The following BNC2 variants were observed in gnomAD, a reference collection of about 807,000 sequenced individuals.
BNC2 encodes the protein zinc finger protein basonuclin-2.
Under a neutral mutation model 76.3 loss-of-function variants are expected in BNC2, and 20 were observed. That is an observed-to-expected ratio of 0.26 (90% CI 0.18 to 0.38). BNC2 has a LOEUF of 0.38. BNC2 is among the 10% of genes least tolerant of loss of function. The pLI, the probability that BNC2 is intolerant of heterozygous loss-of-function variation, is 1.00. For synonymous variants in BNC2, 582 were observed against 514.8 expected (o/e 1.13, Z -1.77); for missense variants, 1,382 against 1,399.8 (o/e 0.99, Z 0.20).
intron 5 of BNC2, among the ~76,000 whole-genome samples, chr9:16,503,515 T>C (rs1822564208): frequency 6.6e-6 from 1 of 152,154 alleles, no homozygotes; most frequent in African/African-American, 2.4e-5. Flanking sequence ...AGGACATTCA[T>C]GTTTCAGTCA....
At chr9:16,654,830 A>T (rs549577471) in intron 3 of BNC2, among the ~76,000 whole-genome samples, 1 of 152,316 alleles carries the variant, frequency 6.6e-6, no homozygotes, top group East Asian at 1.9e-4. Context: ...CAGCAATTTC[A>T]GTCACATCAG....
chr9:16,827,358 C>G (rs1344143418), intron 1 of BNC2, among the ~76,000 whole-genome samples: 1 of 152,152 alleles, frequency 6.6e-6, no homozygotes, highest in Non-Finnish European at 1.5e-5. Flanking sequence ...TTCCTGAGAG[C>G]AGGTACTCCA....
At chr9:16,787,540 A>C (rs1355710152) in intron 1 of BNC2, among the ~76,000 whole-genome samples, 1 of 152,124 alleles carries the variant, frequency 6.6e-6, no homozygotes, top group Non-Finnish European at 1.5e-5. Flanking sequence ...GACATGCTTT[A>C]CATCATGGAG....
intron 1 of BNC2, among the ~76,000 whole-genome samples, chr9:16,744,088 T>C (rs1450172209): frequency 6.6e-6 from 1 of 152,066 alleles, no homozygotes; most frequent in Non-Finnish European, 1.5e-5. Context: ...TACCTCAGCC[T>C]CCCGAGTAGC....
chr9:16,737,635 T>TA (rs1409528881), intron 2 of BNC2, among the ~76,000 whole-genome samples: 41 of 151,962 alleles, frequency 2.7e-4, no homozygotes, highest in Non-Finnish European at 1.3e-4. Flanking sequence ...CTGGCCTTGA[T>TA]AGAGACTATT....
chr9:16,737,955 G>GT (rs1225785155), intron 2 of BNC2, among the ~76,000 whole-genome samples: 1 of 151,954 alleles, frequency 6.6e-6, no homozygotes, highest in Non-Finnish European at 1.5e-5. Flanking sequence ...GCACTTTTCT[G>GT]TAAGTATGTT....
intron 3 of BNC2, among the ~76,000 whole-genome samples, chr9:16,663,301 T>G (rs1822168828): frequency 6.6e-6 from 1 of 151,850 alleles, no homozygotes; most frequent in African/African-American, 2.4e-5. Flanking sequence ...CCTGGCTAAT[T>G]TTTGTATTTT....
At position 16,852,060 on chromosome 9, in the gene BNC2, C is replaced by T. The variant is rs112828586; in HGVS notation, c.3+18586G>A. Among the ~76,000 whole-genome samples, 319 of 152,280 alleles carry T rather than the reference C, an allele frequency of 2.1e-3. 1 individual carries two copies. The highest frequency in any genetic ancestry group is 6.7e-3 in the African/African-American group (278 of 41,558). ...TGGGAACAGATTTTACACTCTCACCCGCAGTCACACCGCCTTATTATACAA... is the reference window on the plus strand; with the variant it reads ...TGGGAACAGATTTTACACTCTCACCTGCAGTCACACCGCCTTATTATACAA... On this transcript the variant is annotated intron_variant, in intron 1 of 6. Coordinates refer to ENST00000380672, the MANE Select transcript of BNC2 (RefSeq NM_017637.6).
chr9:16,435,438 A>G lies in BNC2; in HGVS notation c.2639+117T>C, dbSNP rs1820987279. 3.2e-6 allele frequency: 4 copies of G among 1,255,438 alleles called. No individual in the cohort carries two copies. In the Admixed American group the frequency reaches 6.8e-5, roughly 21 times the overall value. The allele number at this position is 1,255,438 out of a possible 1,614,324, so 77.8% of individuals were successfully genotyped here. ...TAGTTATCACATGATCACTGTGGAC[A>G]ATCTTTACAGTGCACCAAAAACATC... On this transcript the variant is annotated intron_variant, in intron 6 of 6. Transcript: ENST00000380672.
chr9:16,435,004 T>C (rs1036689466), intron 6 of BNC2: 1 of 471,352 alleles, frequency 2.1e-6, no homozygotes, highest in Non-Finnish European at 4.4e-6. Context: ...TAAATACTCA[T>C]GTAAGGAATG....
chr9:16,667,856 T>C (rs1317841902), intron 3 of BNC2, among the ~76,000 whole-genome samples: 2 of 152,186 alleles, frequency 1.3e-5, no homozygotes, highest in Admixed American at 6.5e-5. Flanking sequence ...ATCTTTTAGG[T>C]GGGCTTACCT....
At chr9:16,459,526 T>C (rs1401413312) in intron 5 of BNC2, among the ~76,000 whole-genome samples, 2 of 152,132 alleles carry the variant, frequency 1.3e-5, no homozygotes, top group Non-Finnish European at 2.9e-5. Context: ...AACACACCTA[T>C]TTGTAAAAGT....
At chr9:16,766,403 A>G (rs1166509633) in intron 1 of BNC2, among the ~76,000 whole-genome samples, 9 of 152,124 alleles carry the variant, frequency 5.9e-5, no homozygotes. Context: ...ACTGATTTTC[A>G]GGATGCTTAA....
intron 1 of BNC2, among the ~76,000 whole-genome samples, chr9:16,845,413 T>C (rs1056339172): frequency 6.6e-6 from 1 of 152,218 alleles, no homozygotes; most frequent in South Asian, 2.1e-4. Context: ...GAAACCACGG[T>C]AGTTGGGTTT....
intron 5 of BNC2, among the ~76,000 whole-genome samples, chr9:16,538,082 C>T (rs901204492): frequency 1.4e-4 from 21 of 151,990 alleles, no homozygotes; most frequent in Non-Finnish European, 2.6e-4. Flanking sequence ...AAAATATGAA[C>T]CTTAGCAATC....
At chr9:16,631,418 AT>A (rs1821156554) in intron 3 of BNC2, among the ~76,000 whole-genome samples, 1 of 152,214 alleles carries the variant, frequency 6.6e-6, no homozygotes, top group African/African-American at 2.4e-5. Flanking sequence ...CTGGAGTAGT[AT>A]ATAACACCAT....
At chr9:16,713,449 T>C (rs1018351458) in intron 3 of BNC2, among the ~76,000 whole-genome samples, 2 of 31,072 alleles carry the variant, frequency 6.4e-5, no homozygotes, top group Admixed American at 3.3e-4. Flanking sequence ...AAGGCACTTT[T>C]TTTTTTTTTT....
chr9:16,446,513 T>C (rs1322567281), intron 5 of BNC2, among the ~76,000 whole-genome samples: 2 of 152,154 alleles, frequency 1.3e-5, no homozygotes, highest in Non-Finnish European at 2.9e-5. Flanking sequence ...AGGATATATT[T>C]TTAAAAGAAG....
chr9:16,866,195 A>C (rs1372375872), intron 1 of BNC2, among the ~76,000 whole-genome samples: 1 of 152,206 alleles, frequency 6.6e-6, no homozygotes, highest in Non-Finnish European at 1.5e-5. Context: ...ATGAAATTAA[A>C]TGACAATTAT....
Sources: allele counts gnomAD v4.1 joint callset (sites outside exome capture counted in the v4.1 genomes callset), GRCh38; gene constraint gnomAD v4.1.1; transcripts MANE v1.5; gene names NCBI Gene and HGNC (gene_info 2026-07-23, HGNC 2026-07-21).